The following RAB31 variants were observed in gnomAD, a reference collection of about 807,000 sequenced individuals.
The protein encoded by RAB31 is ras-related protein Rab-31.
Under a neutral mutation model 25.6 loss-of-function variants are expected in RAB31, and 21 were observed. That is an observed-to-expected ratio of 0.82 (90% CI 0.58 to 1.18). The LOEUF is 1.18. Ranked by LOEUF, RAB31 falls within the 50% of genes most tolerant of loss-of-function variation. The pLI, the probability that RAB31 is intolerant of heterozygous loss-of-function variation, is 0.00. For missense variants in RAB31, 196 were observed against 250.1 expected, an observed-to-expected ratio of 0.78 and a Z score of 1.46; for synonymous variants, 87 against 84.0, an observed-to-expected ratio of 1.04 and a Z score of -0.20.
intron 1 of RAB31, among the ~76,000 whole-genome samples, chr18:9,714,952 A>C (rs1050563513): frequency 7.2e-5 from 11 of 152,228 alleles, no homozygotes; most frequent in Non-Finnish European, 2.9e-5. Context: ...TGGGAGGGAC[A>C]GAAAGTTCTT....
intron 3 of RAB31, among the ~76,000 whole-genome samples, chr18:9,809,062 G>A (rs867693655): frequency 6.2e-5 from 6 of 96,544 alleles, no homozygotes; most frequent in East Asian, 5.1e-4. Context: ...GTGTGCGCGC[G>A]CACGCGTGGG....
At chr18:9,713,630 C>T (rs545253909) in intron 1 of RAB31, among the ~76,000 whole-genome samples, 26 of 152,132 alleles carry the variant, frequency 1.7e-4, no homozygotes, top group Non-Finnish European at 2.8e-4. Context: ...GAGTGTGTAT[C>T]AGAATCATTT....
chr18:9,806,883 G>A (rs2068544446), intron 3 of RAB31, among the ~76,000 whole-genome samples: 1 of 152,172 alleles, frequency 6.6e-6, no homozygotes, highest in South Asian at 2.1e-4. Context: ...TCTTCTTGTG[G>A]ATATGCTTGA....
chr18:9,790,922 T>C (rs890183186), intron 2 of RAB31, among the ~76,000 whole-genome samples: 4 of 152,252 alleles, frequency 2.6e-5, no homozygotes, highest in African/African-American at 9.6e-5. Flanking sequence ...TCAAGGCTAT[T>C]GAACATTCCT....
intron 5 of RAB31, among the ~76,000 whole-genome samples, chr18:9,833,690 T>A (rs2068690534): frequency 6.6e-6 from 1 of 152,184 alleles, no homozygotes; most frequent in South Asian, 2.1e-4. Context: ...GGATAAGTAT[T>A]TCATTTTCGT....
rs557815765 is a variant in RAB31 at position 9,754,440 on chromosome 18, C to T, written c.40-20838C>T. Among the ~76,000 whole-genome samples, 23 of 152,126 alleles carry T rather than the reference C, an allele frequency of 1.5e-4. No individual in the cohort carries two copies. The South Asian group carries it at 4.2e-3, about 27-fold the overall frequency. ...GATTACAGGTGCCCGCCACCACACC[C>T]GGCTAATTTTTGTATTTTTAGTAGA... On this transcript the variant is annotated intron_variant, in intron 1 of 6. Transcript: ENST00000578921.
chr18:9,838,117 C>G (rs925134510), intron 5 of RAB31, among the ~76,000 whole-genome samples: 1 of 152,180 alleles, frequency 6.6e-6, no homozygotes, highest in Non-Finnish European at 1.5e-5. Context: ...ATAATATCAA[C>G]CTCCTTTTCC....
chr18:9,758,896 G>A (rs1389627606), intron 1 of RAB31, among the ~76,000 whole-genome samples: 1 of 152,150 alleles, frequency 6.6e-6, no homozygotes, highest in Non-Finnish European at 1.5e-5. Context: ...ACAGTGGCTG[G>A]GACCGCAAGA....
intron 4 of RAB31, among the ~76,000 whole-genome samples, chr18:9,814,491 G>T (rs961276057): frequency 5.9e-5 from 9 of 152,140 alleles, no homozygotes; most frequent in African/African-American, 1.7e-4. Context: ...GTATATATAA[G>T]TATATTTTTA....
chr18:9,715,198 T>C (rs113596056), intron 1 of RAB31, among the ~76,000 whole-genome samples: 18,389 of 150,932 alleles, frequency 0.12, 1,180 homozygotes, highest in South Asian at 0.23. Flanking sequence ...AAGTGGGGAG[T>C]TGGGAAGGTT....
chr18:9,778,583 G>C (rs979761778), intron 2 of RAB31, among the ~76,000 whole-genome samples: 3 of 152,102 alleles, frequency 2.0e-5, no homozygotes, highest in African/African-American at 7.2e-5. Context: ...CGATTCTCCT[G>C]CCTCAGCCTC....
intron 1 of RAB31, among the ~76,000 whole-genome samples, chr18:9,762,887 T>C (rs1199784061): frequency 6.6e-6 from 1 of 152,150 alleles, no homozygotes; most frequent in African/African-American, 2.4e-5. Flanking sequence ...CTGGCTTTCC[T>C]AGAACTCAGC....
intron 1 of RAB31, among the ~76,000 whole-genome samples, chr18:9,773,411 C>T (rs1371514667): frequency 6.6e-6 from 1 of 152,136 alleles, no homozygotes; most frequent in East Asian, 1.9e-4. Flanking sequence ...CGATAAATCA[C>T]TTGTTCCCGT....
At chr18:9,713,837 G>T (rs1391018617) in intron 1 of RAB31, among the ~76,000 whole-genome samples, 2 of 152,212 alleles carry the variant, frequency 1.3e-5, no homozygotes, top group Admixed American at 6.5e-5. Flanking sequence ...CTGGTTTGCA[G>T]ACAGCTGCCT....
chr18:9,724,085 A>C (rs919849186), intron 1 of RAB31, among the ~76,000 whole-genome samples: 4 of 151,522 alleles, frequency 2.6e-5, no homozygotes, highest in South Asian at 2.1e-4. Flanking sequence ...TCCCGGCTAA[A>C]ACGGTGAAAC....
At chr18:9,851,358 G>A (rs1015667136) in intron 6 of RAB31, among the ~76,000 whole-genome samples, 7 of 152,174 alleles carry the variant, frequency 4.6e-5, no homozygotes, top group Admixed American at 1.3e-4. Flanking sequence ...AATTCTTCAG[G>A]TGTGCAAACA....
At chr18:9,714,093 A>G (rs1360905775) in intron 1 of RAB31, among the ~76,000 whole-genome samples, 2 of 152,198 alleles carry the variant, frequency 1.3e-5, no homozygotes. Flanking sequence ...GCCCTGGCCC[A>G]ATGACACTGT....
At chr18:9,759,335 T>C (rs1162646002) in intron 1 of RAB31, among the ~76,000 whole-genome samples, 1 of 152,064 alleles carries the variant, frequency 6.6e-6, no homozygotes, top group Non-Finnish European at 1.5e-5. Flanking sequence ...CATGCCTGGC[T>C]AATTTTTTGA....
At chr18:9,788,834 G>A (rs2068446093) in intron 2 of RAB31, among the ~76,000 whole-genome samples, 1 of 152,220 alleles carries the variant, frequency 6.6e-6, no homozygotes, top group Admixed American at 6.5e-5. Context: ...GCTGGGCATG[G>A]TGGCACATGC....
Sources: allele counts gnomAD v4.1 joint callset (sites outside exome capture counted in the v4.1 genomes callset), GRCh38; gene constraint gnomAD v4.1.1; transcripts MANE v1.5; gene names NCBI Gene and HGNC (gene_info 2026-07-23, HGNC 2026-07-21).